Variants in MAP3K5 observed in about 807,000 individuals in gnomAD.
MAP3K5 encodes ASK-1.
In MAP3K5, 56 loss-of-function variants were observed where a neutral mutation model predicts 158.7. The ratio of observed to expected loss-of-function variants is 0.35; its 90% CI spans 0.28 to 0.44. The LOEUF is 0.44. Among genes scored for constraint, MAP3K5 ranks in the 20% least tolerant of loss-of-function variants. MAP3K5 has a pLI of 1.00. For synonymous variants in MAP3K5, 579 were observed against 601.7 expected, an observed-to-expected ratio of 0.96 and a Z score of 0.55; for missense variants, 1,294 against 1,674.8, an observed-to-expected ratio of 0.77 and a Z score of 3.97.
chr6:136,765,140 C>T (rs1011770851), intron 1 of MAP3K5, among the ~76,000 whole-genome samples: 1 of 152,138 alleles, frequency 6.6e-6, no homozygotes, highest in Non-Finnish European at 1.5e-5. Context: ...CATCTAAAAG[C>T]CTCTTGGTAG....
At position 136,651,111 on chromosome 6, in the gene MAP3K5, G is replaced by A. The variant is rs772506110; in HGVS notation, c.1681-20C>T. On this transcript the variant is annotated intron_variant, in intron 10 of 29. Coordinates refer to ENST00000359015, the MANE Select transcript of MAP3K5 (RefSeq NM_005923.4). ...TAATACCTTGAAAAGATACGGCAAA[G>A]AAACTAATATCAGTGACTTAAGACT... The A allele has an allele frequency of 2.4e-5, 32 of 1,332,218 alleles. No individual in the cohort carries two copies. Among genetic ancestry groups the A allele is most frequent in the Non-Finnish European group, 3.1e-5 (29 of 932,812 alleles). 82.5% of individuals were successfully genotyped at this position (1,332,218 alleles called of 1,614,324 possible).
chr6:136,728,314 G>A (rs7740264), intron 1 of MAP3K5, among the ~76,000 whole-genome samples: 20,721 of 151,972 alleles, frequency 0.14, 4,759 homozygotes, highest in African/African-American at 0.48. Flanking sequence ...GAGGGAAGAT[G>A]TTAATTGGTA....
intron 1 of MAP3K5, among the ~76,000 whole-genome samples, chr6:136,742,490 G>A (rs1263160501): frequency 6.6e-6 from 1 of 150,848 alleles, no homozygotes; most frequent in Non-Finnish European, 1.5e-5. Context: ...TACACCCTCT[G>A]CAGAAATTAA....
intron 2 of MAP3K5, among the ~76,000 whole-genome samples, chr6:136,711,394 T>C (rs935624276): frequency 6.6e-6 from 1 of 152,016 alleles, no homozygotes; most frequent in Non-Finnish European, 1.5e-5. Context: ...GCCAGGAGCG[T>C]TGGCTCATGC....
intron 23 of MAP3K5, among the ~76,000 whole-genome samples, chr6:136,591,881 GA>G (rs1775402146): frequency 6.6e-6 from 1 of 152,178 alleles, no homozygotes; most frequent in African/African-American, 2.4e-5. Flanking sequence ...AATGAATGAA[GA>G]GTAAAAGAGG....
chr6:136,662,479 T>C (rs1173979165), intron 8 of MAP3K5, among the ~76,000 whole-genome samples: 4 of 152,188 alleles, frequency 2.6e-5, no homozygotes, highest in African/African-American at 9.7e-5. Flanking sequence ...TAATTTTTTA[T>C]ATTTAGAAGT....
At chr6:136,587,061 C>A (rs529584214) in intron 23 of MAP3K5, among the ~76,000 whole-genome samples, 3 of 152,100 alleles carry the variant, frequency 2.0e-5, no homozygotes, top group Non-Finnish European at 2.9e-5. Context: ...TCTAGAGAAC[C>A]CTGACTAACA....
At chr6:136,768,431 A>C (rs1784047587) in intron 1 of MAP3K5, among the ~76,000 whole-genome samples, 1 of 152,236 alleles carries the variant, frequency 6.6e-6, no homozygotes, top group African/African-American at 2.4e-5. Flanking sequence ...ATGGCCAACA[A>C]ACACATGAAC....
chr6:136,665,452 T>C (rs940534361), intron 8 of MAP3K5, among the ~76,000 whole-genome samples: 1 of 151,900 alleles, frequency 6.6e-6, no homozygotes, highest in African/African-American at 2.4e-5. Context: ...GTTCAAGCGA[T>C]TCTTTTGCCT....
chr6:136,614,360 G>T, intron 15 of MAP3K5, 74 bp from the exon 16 acceptor site: 1 of 1,528,484 alleles, frequency 6.5e-7, no homozygotes, highest in Non-Finnish European at 8.9e-7. Context: ...CAATACAAAT[G>T]GAAAATGTCA....
chr6:136,772,484 G>A (rs1784246598), intron 1 of MAP3K5, among the ~76,000 whole-genome samples: 2 of 151,798 alleles, frequency 1.3e-5, no homozygotes, highest in African/African-American at 2.4e-5. Flanking sequence ...GGGCAGTGGC[G>A]GGGGGCTTCT....
At chr6:136,713,813 A>C (rs1781412093) in intron 2 of MAP3K5, among the ~76,000 whole-genome samples, 1 of 152,222 alleles carries the variant, frequency 6.6e-6, no homozygotes, top group Non-Finnish European at 1.5e-5. Flanking sequence ...CTGGTTATAA[A>C]GTAAGCTAGA....
In MAP3K5 at chr6:136,605,219, G is replaced by C; in HGVS notation, c.2669C>G (p.Ala890Gly). 3 of 1,613,784 alleles carry C rather than the reference G, an allele frequency of 1.9e-6. No individual in the cohort carries two copies. The highest frequency in any genetic ancestry group is 2.5e-6 in the Non-Finnish European group (3 of 1,179,940). The change falls in exon 19 of 30, where the codon GCT (alanine) becomes GGT (glycine). Residue 890 changes from alanine (A) to glycine (G), a missense_variant. Transcript: ENST00000359015. ...GAAATGAAGTGTGACCTTGAACATA[G>C]CTGCTTGTGGTTCTCCCAGTTCATA... ...PFYELGEPQAAMFKVGMFKVH... is the reference protein window; with the variant it reads ...PFYELGEPQAGMFKVGMFKVH...
chr6:136,561,753 C>G, intron 27 of MAP3K5, 108 bp from the exon 28 acceptor site: 1 of 641,360 alleles, frequency 1.6e-6, no homozygotes. Context: ...TTTGCTCTAT[C>G]AGAGAACAGT....
At chr6:136,783,553 G>A (rs1416117509) in intron 1 of MAP3K5, among the ~76,000 whole-genome samples, 2 of 152,152 alleles carry the variant, frequency 1.3e-5, no homozygotes, top group African/African-American at 4.8e-5. Context: ...CCACATAGCT[G>A]TGGGTTCCTG....
At chr6:136,708,923 C>T (rs988033665) in intron 2 of MAP3K5, among the ~76,000 whole-genome samples, 3 of 152,060 alleles carry the variant, frequency 2.0e-5, no homozygotes, top group Non-Finnish European at 4.4e-5. Context: ...CTCTGAGTAA[C>T]GAGGAAATGC....
At chr6:136,787,729 G>A (rs1784907279) in intron 1 of MAP3K5, among the ~76,000 whole-genome samples, 1 of 152,194 alleles carries the variant, frequency 6.6e-6, no homozygotes, top group South Asian at 2.1e-4. Context: ...AAACACCACT[G>A]GAGGCAATGA....
At chr6:136,659,013 A>G (rs552110688) in intron 9 of MAP3K5, among the ~76,000 whole-genome samples, 2 of 152,370 alleles carry the variant, frequency 1.3e-5, no homozygotes, top group South Asian at 4.1e-4. Context: ...GGAGAGGCTA[A>G]GTCAGGAACC....
At chr6:136,753,946 G>A (rs1478691203) in intron 1 of MAP3K5, among the ~76,000 whole-genome samples, 1 of 152,216 alleles carries the variant, frequency 6.6e-6, no homozygotes, top group Non-Finnish European at 1.5e-5. Context: ...GTGCTAGTGA[G>A]AAGCAGCAAG....
Sources: gnomAD v4.1 joint callset for allele counts (sites outside exome capture counted in the v4.1 genomes callset) on GRCh38, gnomAD v4.1.1 for gene constraint, MANE v1.5 for transcripts, NCBI Gene and HGNC (gene_info 2026-07-23, HGNC 2026-07-21) for gene names.